The following INPP5J variants were observed in gnomAD, a reference collection of about 807,000 sequenced individuals.
The protein encoded by INPP5J is inositol polyphosphate-5-phosphatase J.
A neutral mutation model predicts 86.6 loss-of-function variants in INPP5J; 75 were observed. The observed-to-expected ratio is 0.87, with a 90% CI of 0.72 to 1.05. The LOEUF (loss-of-function observed/expected upper bound fraction) is 1.05. INPP5J is among the 50% of genes least tolerant of loss of function. The pLI, the probability that INPP5J is intolerant of heterozygous loss-of-function variation, is 0.00. For missense variants in INPP5J, 1,229 were observed against 1,341.2 expected, an observed-to-expected ratio of 0.92 and a Z score of 1.31; for synonymous variants, 540 against 550.0, an observed-to-expected ratio of 0.98 and a Z score of 0.25.
rs559667907 is a variant in INPP5J at position 31,132,365 on chromosome 22, T to C, written c.2194-733T>C. ...GACAAATCATTTATTGAGCACTTACTGGTATACTGGGAAATTTATGGGATG... is the reference window on the plus strand; with the variant it reads ...GACAAATCATTTATTGAGCACTTACCGGTATACTGGGAAATTTATGGGATG... On this transcript the variant is annotated intron_variant, in intron 9 of 12. Coordinates refer to ENST00000331075, the MANE Select transcript of INPP5J (RefSeq NM_001284285.2). Among the ~76,000 whole-genome samples, 6 of 152,310 alleles carry C rather than the reference T, an allele frequency of 3.9e-5. No individual in the cohort carries two copies. The South Asian group carries it at 1.2e-3, about 32-fold the overall frequency.
At chr22:31,122,818 C>T, upstream of INPP5J, 1 of 485,344 alleles carries the variant, frequency 2.1e-6, no homozygotes, top group Non-Finnish European at 3.6e-6. Flanking sequence ...CACTCCATGG[C>T]TGTTCCAGCC....
intron 5 of INPP5J, 90 bp downstream of exon 5, chr22:31,127,127 C>T: frequency 1.0e-6 from 1 of 956,058 alleles, no homozygotes; most frequent in East Asian, 2.6e-5. Context: ...GGTCCCCTTC[C>T]CATCCTCCAC....
intron 5 of INPP5J, 27 bp downstream of exon 5, chr22:31,127,064 G>C: frequency 1.4e-6 from 2 of 1,470,310 alleles, no homozygotes; most frequent in Non-Finnish European, 1.9e-6. Flanking sequence ...GCCCAGAAGA[G>C]GATGGGACAT....
intron 6 of INPP5J, 200 bp downstream of exon 6, chr22:31,127,732 C>T: frequency 1.5e-6 from 1 of 682,900 alleles, no homozygotes. Flanking sequence ...GCTGAGGGGC[C>T]CCGCCTTGCT....
At position 31,127,486 on chromosome 22, in the gene INPP5J, C is replaced by A. The variant is rs1921610210; in HGVS notation, c.1741C>A (p.Leu581Ile). Reference protein sequence around the residue: ...RKDNFQTILSLQQFQGPGAQG... With the variant: ...RKDNFQTILSIQQFQGPGAQG... ...AGACAACTTCCAGACCATCCTCAGC[C>A]TCCAGCAGTTCCAAGGGCCGGGCGC... Residue 581 changes from leucine (L) to isoleucine (I), a missense_variant, in exon 6 of 13, where the codon CTC becomes ATC. Leu to Ile is a conservative substitution (Grantham distance 5). Transcript: ENST00000331075. 7.4e-6 allele frequency: 12 copies of A among 1,613,882 alleles called. No individual in the cohort carries two copies. The highest frequency in any genetic ancestry group is 1.0e-5 in the Non-Finnish European group (12 of 1,179,838).
intron 1 of INPP5J, among the ~76,000 whole-genome samples, 161 bp from the exon 2 acceptor site, chr22:31,124,684 G>A (rs1482086321): frequency 1.3e-5 from 2 of 152,226 alleles, no homozygotes; most frequent in Non-Finnish European, 2.9e-5. Flanking sequence ...CAAGACAGAA[G>A]TTGACCTGCA....
rs1445482495 is a variant in INPP5J at position 31,125,690 on chromosome 22, T to C, written c.951T>C (p.Thr317=). The change falls in exon 2 of 13, where the codon ACT becomes ACC. Residue 317 remains threonine (T), a synonymous_variant. Coordinates refer to ENST00000331075, the MANE Select transcript of INPP5J (RefSeq NM_001284285.2). ...GCCAGGGTCCTTCAGAGCCTGGCAC[T>C]CACTCCCCTGGACTTCTGTCCCCCA... ...DVGQGPSEPG[T]HSPGLLSPTF... is the part of the protein sequence containing the mutation. 6.4e-7 allele frequency: 1 copy of C among 1,550,876 alleles called. No homozygotes were observed. The highest frequency in any genetic ancestry group is 8.7e-7 in the Non-Finnish European group (1 of 1,146,950).
chr22:31,134,336 G>A lies in INPP5J; in HGVS notation c.2938G>A (p.Asp980Asn). The A allele has an allele frequency of 6.5e-7, 1 of 1,545,448 alleles. No individual in the cohort carries two copies. The highest frequency in any genetic ancestry group is 2.0e-5 in the Admixed American group (1 of 50,668). ...TGGTGGTGGTGGCTCCTGGGGACCT[G>A]ATCGGGAGGCCCTGGCGCCCAACAG... The part of the protein sequence containing the change: ...DPGGGGSWGP[D>N]REALAPNSLS... The change falls in exon 13 of 13, where the codon GAT becomes AAT. Residue 980 changes from aspartate (D) to asparagine (N), a missense_variant. By Grantham distance (23) the Asp-to-Asn change is conservative (BLOSUM62 1). Coordinates refer to ENST00000331075, the MANE Select transcript of INPP5J (RefSeq NM_001284285.2).
At chr22:31,132,008 A>G (rs550912042) in intron 9 of INPP5J, among the ~76,000 whole-genome samples, 20 of 152,330 alleles carry the variant, frequency 1.3e-4, no homozygotes, top group Non-Finnish European at 2.5e-4. Context: ...GCAGCCTGCC[A>G]CCTCAGCAGC....
chr22:31,127,044 C>T lies in INPP5J; in HGVS notation c.1611+7C>T, dbSNP rs1423212123. On this transcript the variant is annotated splice_region_variant and intron_variant, in intron 5 of 12. Coordinates refer to ENST00000331075, the MANE Select transcript of INPP5J (RefSeq NM_001284285.2). ...TGGCCTGGGCGGCTACTGGGTGAGC[C>T]TGTGAGCAGGCCCAGAAGAGGATGG... The T allele has an allele frequency of 6.4e-7, 1 of 1,569,440 alleles. No individual in the cohort carries two copies. The highest frequency in any genetic ancestry group is 1.4e-5 in the African/African-American group (1 of 73,888).
Position 31,134,217 on chromosome 22 carries a change from G to A in INPP5J, c.2819G>A (p.Gly940Glu), listed in dbSNP as rs1922376890. The A allele has an allele frequency of 1.3e-6, 2 of 1,549,988 alleles. No individual in the cohort carries two copies. The highest frequency in any genetic ancestry group is 1.7e-6 in the Non-Finnish European group (2 of 1,146,730). ...AGCAGCCGGGGCAGTAGTGAAGAGG[G>A]GCCCTCTGGGTTGCCTGGCCCCTGG... ...NGSSRGSSEE[G>E]PSGLPGPWAF... Residue 940 changes from glycine (G) to glutamate (E), a missense_variant, in exon 13 of 13, where the codon GGG becomes GAG. By Grantham distance (98) the Gly-to-Glu change is moderately conservative. Coordinates refer to ENST00000331075, the MANE Select transcript of INPP5J (RefSeq NM_001284285.2).
chr22:31,123,664 T>G (rs1338669795), intron 1 of INPP5J, among the ~76,000 whole-genome samples: 2 of 152,128 alleles, frequency 1.3e-5, no homozygotes, highest in Non-Finnish European at 2.9e-5. Flanking sequence ...GAAGTGCGTC[T>G]CCAGAGGCAG....
At chr22:31,129,232 CTTTTTT>C (rs576089657) in intron 9 of INPP5J, among the ~76,000 whole-genome samples, 3 of 79,122 alleles carry the variant, frequency 3.8e-5, no homozygotes, top group South Asian at 5.5e-4. Flanking sequence ...GTCTGGCCAA[CTTTTTT>C]TTTTTTTTTT....
Position 31,128,521 on chromosome 22 carries a change from A to C in INPP5J, c.2060A>C (p.Lys687Thr), listed in dbSNP as rs1921732305. Residue 687 changes from lysine to threonine, a missense_variant, in exon 9 of 13, where the codon AAG becomes ACG. Transcript: ENST00000331075. The part of the protein sequence containing the change: ...AWTDRILWKV[K>T]APGGGPSPSG... ...ACAGACCGTATCCTATGGAAGGTCA[A>C]GGCTCCAGGTGGGGGTCCCAGCCCC... 9.9e-6 allele frequency: 16 copies of C among 1,613,564 alleles called. No homozygotes were observed. The East Asian group carries it at 3.6e-4, about 36-fold the overall frequency.
Position 31,128,616 on chromosome 22 carries a change from A to G in INPP5J, c.2155A>G (p.Ser719Gly), listed in dbSNP as rs1486733754. The change falls in exon 9 of 13, where the codon AGC (serine) becomes GGC (glycine). Residue 719 changes from serine (S) to glycine (G), a missense_variant. By Grantham distance (56) the Ser-to-Gly change is moderately conservative. Transcript: ENST00000331075. The part of the protein sequence containing the change: ...SYRSHMEYTV[S>G]DHKPVAAQFL... ...CCGCAGCCACATGGAATACACAGTC[A>G]GCGACCACAAGCCTGTGGCTGCCCA... The G allele has an allele frequency of 1.2e-6, 2 of 1,605,542 alleles. No homozygotes were observed. Among genetic ancestry groups the G allele is most frequent in the Non-Finnish European group, 1.7e-6 (2 of 1,175,906 alleles).
In INPP5J at chr22:31,125,606, C is replaced by T. The variant is rs1360058390; in HGVS notation, c.867C>T (p.His289=). 6.4e-7 allele frequency: 1 copy of T among 1,550,530 alleles called. No individual in the cohort carries two copies. The highest frequency in any genetic ancestry group is 8.7e-7 in the Non-Finnish European group (1 of 1,146,970). The change falls in exon 2 of 13, where the codon CAC becomes CAT. Residue 289 remains histidine (H), a synonymous_variant. Coordinates refer to ENST00000331075, the MANE Select transcript of INPP5J (RefSeq NM_001284285.2). ...TCCGAGCCCGGCCTGAGGCCCTCCA[C>T]AGCAGCCCTGAGGATCCTGTTTTGC... ...PSFRARPEAL[H]SSPEDPVLPR...
In INPP5J at chr22:31,125,836, CT is replaced by C. The variant is rs768401180; in HGVS notation, c.1098del (p.Asp367ThrfsTer18). 39 of 1,608,122 alleles carry C rather than the reference CT, an allele frequency of 2.4e-5. No individual in the cohort carries two copies. The highest frequency in any genetic ancestry group is 3.3e-5 in the Non-Finnish European group (39 of 1,177,080). The part of the protein sequence containing the change: ...PNRSPCVPPA[P>X]DMALPRLGTQ... The stretch of plus-strand genomic sequence containing the variant: ...CGCTCTCCCTGTGTTCCCCCAGCCC[CT>C]GACATGGCCCTCCCAAGGCTTGGCA... On this transcript the variant is annotated frameshift_variant, in exon 2 of 13. Transcript: ENST00000331075. LOFTEE classifies it high-confidence loss of function.
At chr22:31,126,243 G>A in intron 2 of INPP5J, 133 bp from the exon 3 acceptor site, 1 of 832,680 alleles carries the variant, frequency 1.2e-6, no homozygotes. Context: ...AGGATTCGGG[G>A]CCTCCTGTGG....
In INPP5J at chr22:31,126,627, A is replaced by C; in HGVS notation, c.1400A>C (p.Asn467Thr). The C allele has an allele frequency of 5.6e-6, 9 of 1,613,698 alleles. No homozygotes were observed. Among genetic ancestry groups the C allele is most frequent in the Non-Finnish European group, 7.6e-6 (9 of 1,179,750 alleles). ...CACCCCTCCAGGTTGCAGGAAGTGA[A>C]CTCCATGCTCAACAAGCGACTCAAG... The part of the protein sequence containing the change: ...DMIAIGLQEV[N>T]SMLNKRLKDA... The change falls in exon 4 of 13, where the codon AAC becomes ACC. Residue 467 changes from asparagine (N) to threonine (T), a missense_variant. Coordinates refer to ENST00000331075, the MANE Select transcript of INPP5J (RefSeq NM_001284285.2).
Sources: allele counts gnomAD v4.1 joint callset (sites outside exome capture counted in the v4.1 genomes callset), GRCh38; gene constraint gnomAD v4.1.1; transcripts MANE v1.5; gene names NCBI Gene and HGNC (gene_info 2026-07-23, HGNC 2026-07-21).